MALRD1: variants seen among roughly 807,000 people sequenced by gnomAD.
MALRD1 encodes the protein MAM and LDL-receptor class A domain-containing protein 1.
A neutral mutation model predicts 242.1 loss-of-function variants in MALRD1; 247 were observed. The observed-to-expected ratio is 1.02, with a 90% CI of 0.92 to 1.13. MALRD1 has a LOEUF of 1.13. Ranked by LOEUF, MALRD1 falls within the 50% of genes most tolerant of loss-of-function variation. The pLI is 0.00. For synonymous variants in MALRD1, 995 were observed against 866.6 expected (o/e 1.15, Z -2.60); for missense variants, 2,989 against 2,533.1 (o/e 1.18, Z -3.86).
chr10:19,647,260 T>G (rs1317328914), intron 36 of MALRD1, among the ~76,000 whole-genome samples: 1 of 152,238 alleles, frequency 6.6e-6, no homozygotes. Context: ...AGCAATGTTT[T>G]TCCAAACTCA....
chr10:19,491,809 A>T (rs1219249363), intron 30 of MALRD1, among the ~76,000 whole-genome samples, 164 bp downstream of exon 30: 3 of 152,196 alleles, frequency 2.0e-5, no homozygotes, highest in Non-Finnish European at 4.4e-5. Flanking sequence ...ACAAGTATCA[A>T]ATACAAATAC....
intron 21 of MALRD1, among the ~76,000 whole-genome samples, chr10:19,312,725 C>T (rs1326190847): frequency 6.6e-6 from 1 of 151,232 alleles, no homozygotes; most frequent in Non-Finnish European, 1.5e-5. Flanking sequence ...CACTGCTTTC[C>T]TCCTATAGAC....
rs376527590 is a variant in MALRD1, at chr10:19,203,736, T to A, written c.1960T>A (p.Cys654Ser). The A allele has an allele frequency of 5.2e-6, 8 of 1,534,440 alleles. No homozygotes were observed. In the African/African-American group the frequency reaches 5.5e-5, roughly 11 times the overall value. ...ACATTTTTGTTCTTCAGTTTCCAAG[T>A]GTGACTTTGAAGCAAACAGCTGTGA... is the stretch of plus-strand genomic sequence containing the variant. ...RTSTQSKFSK[C>S]DFEANSCDWF... is the part of the protein sequence containing the mutation. Residue 654 changes from cysteine to serine, a missense_variant, in exon 15 of 40, where the codon TGT becomes AGT. Transcript: ENST00000454679.
chr10:19,170,465 A>G (rs1834875467), intron 13 of MALRD1, among the ~76,000 whole-genome samples: 1 of 152,198 alleles, frequency 6.6e-6, no homozygotes, highest in Non-Finnish European at 1.5e-5. Context: ...TCACACAATG[A>G]TGGATACCAT....
intron 32 of MALRD1, among the ~76,000 whole-genome samples, chr10:19,564,849 T>C (rs1170374093): frequency 1.3e-5 from 2 of 152,174 alleles, no homozygotes; most frequent in Non-Finnish European, 2.9e-5. Context: ...AATACAATAA[T>C]ATCATTTCTA....
At chr10:19,406,699 T>G (rs1198700565) in intron 28 of MALRD1, among the ~76,000 whole-genome samples, 1 of 152,178 alleles carries the variant, frequency 6.6e-6, no homozygotes, top group East Asian at 1.9e-4. Context: ...TGTTGACGTA[T>G]TCTTTAAAAA....
chr10:19,396,996 G>T lies in MALRD1; in HGVS notation c.4845+7387G>T, dbSNP rs557302750. Among the ~76,000 whole-genome samples, 8 of 152,022 alleles carry T rather than the reference G, an allele frequency of 5.3e-5. No individual in the cohort carries two copies. The South Asian group carries it at 1.5e-3, about 28-fold the overall frequency. ...ACTGACATAATAATTCCACATATTTGTGGGGTACAATGTGATGTTTTGATA... is the reference window on the plus strand; with the variant it reads ...ACTGACATAATAATTCCACATATTTTTGGGGTACAATGTGATGTTTTGATA... On this transcript the variant is annotated intron_variant, in intron 28 of 39. Coordinates refer to ENST00000454679, the MANE Select transcript of MALRD1 (RefSeq NM_001142308.3).
chr10:19,598,585 T>A (rs1241539206), intron 34 of MALRD1: 1 of 152,058 alleles, frequency 6.6e-6, no homozygotes, highest in East Asian at 1.9e-4. Flanking sequence ...TGGGGGAAGA[T>A]GTGGCTTCAG....
intron 31 of MALRD1, among the ~76,000 whole-genome samples, chr10:19,524,729 A>G (rs1589194903): frequency 1.2e-5 from 1 of 80,942 alleles, no homozygotes; most frequent in Admixed American, 1.0e-4. Context: ...GGAAAATGAG[A>G]AAAAAAAAGT....
intron 32 of MALRD1, among the ~76,000 whole-genome samples, chr10:19,541,113 G>A (rs1834949404): frequency 1.3e-5 from 2 of 152,040 alleles, no homozygotes; most frequent in Admixed American, 6.5e-5. Flanking sequence ...TTATTGAGTG[G>A]CACTATCAGT....
chr10:19,377,453 C>T (rs1361494010), intron 26 of MALRD1, among the ~76,000 whole-genome samples: 2 of 152,112 alleles, frequency 1.3e-5, no homozygotes, highest in Non-Finnish European at 2.9e-5. Context: ...GATCTCAGGT[C>T]TGCTCCCTAT....
chr10:19,200,203 G>A (rs11008904), intron 14 of MALRD1, among the ~76,000 whole-genome samples: 35,142 of 152,150 alleles, frequency 0.23, 4,846 homozygotes, highest in Admixed American at 0.32. Context: ...GATGATGTAT[G>A]TATTAACAGA....
At chr10:19,415,318 A>T (rs184996024) in intron 28 of MALRD1, among the ~76,000 whole-genome samples, 1 of 152,306 alleles carries the variant, frequency 6.6e-6, no homozygotes, top group African/African-American at 2.4e-5. Flanking sequence ...TCATTTCAAT[A>T]AAGGTGGTTG....
chr10:19,059,406 G>C (rs1834756872), intron 1 of MALRD1, among the ~76,000 whole-genome samples: 1 of 151,846 alleles, frequency 6.6e-6, no homozygotes, highest in South Asian at 2.1e-4. Context: ...TTTGTTTTTT[G>C]AGATGGATTC....
chr10:19,466,539 A>T (rs945459140), intron 29 of MALRD1, among the ~76,000 whole-genome samples: 4 of 152,190 alleles, frequency 2.6e-5, no homozygotes, highest in Non-Finnish European at 4.4e-5. Context: ...TGGAGGCTGG[A>T]AGTCCAGGAT....
chr10:19,489,214 G>A lies in MALRD1; in HGVS notation c.5030-2303G>A, dbSNP rs1385098918. 5.1e-5 allele frequency: 24 copies of A among 474,114 alleles called. No homozygotes were observed. In the East Asian group the frequency reaches 1.5e-3, roughly 30 times the overall value. The allele number at this position is 474,114 out of a possible 1,614,324, so 29.4% of individuals were successfully genotyped here. On this transcript the variant is annotated intron_variant, in intron 29 of 39. Coordinates refer to ENST00000454679, the MANE Select transcript of MALRD1 (RefSeq NM_001142308.3). ...CAAAAGTGCAGGCGAAGCCGAAAAA[G>A]GCAGCAGCGAAGGATACATCTTAAG...
intron 29 of MALRD1, among the ~76,000 whole-genome samples, chr10:19,480,103 C>G (rs1589138074): frequency 6.6e-6 from 1 of 152,132 alleles, no homozygotes; most frequent in African/African-American, 2.4e-5. Flanking sequence ...GGGACAAGTG[C>G]GTGAAAGAAG....
intron 29 of MALRD1, chr10:19,491,219 A>G: frequency 1.7e-6 from 1 of 603,422 alleles, no homozygotes; most frequent in Non-Finnish European, 2.9e-6. Flanking sequence ...ACCCTTTACC[A>G]GGTTCCAGGT....
intron 7 of MALRD1, among the ~76,000 whole-genome samples, chr10:19,125,361 C>CTT: frequency 9.5e-6 from 1 of 105,814 alleles, no homozygotes; most frequent in Non-Finnish European, 1.9e-5. Flanking sequence ...TTCTTTCTTT[C>CTT]TTTCTTTCTT....
Sources: gnomAD v4.1 joint callset for allele counts (sites outside exome capture counted in the v4.1 genomes callset) on GRCh38, gnomAD v4.1.1 for gene constraint, MANE v1.5 for transcripts, NCBI Gene and HGNC (gene_info 2026-07-23, HGNC 2026-07-21) for gene names.